Variants in CFAP95 observed in about 807,000 individuals in gnomAD.
CFAP95 encodes cilia- and flagella-associated protein 95.
At chr9:69,882,220 G>C in the CFAP95 span, among the ~76,000 whole-genome samples, 2 of 152,142 alleles carry the variant, frequency 1.3e-5, no homozygotes, top group Non-Finnish European at 2.9e-5. Flanking sequence ...GGCCTCAAGT[G>C]ATCCACCCAC....
the CFAP95 span, among the ~76,000 whole-genome samples, chr9:69,858,830 A>T: frequency 6.6e-6 from 1 of 152,226 alleles, no homozygotes; most frequent in African/African-American, 2.4e-5. Flanking sequence ...TTACTGATAT[A>T]AGAGATAAGT....
the CFAP95 span, among the ~76,000 whole-genome samples, chr9:69,896,507 C>T: frequency 1.5e-4 from 23 of 152,180 alleles, no homozygotes; most frequent in Non-Finnish European, 2.9e-4. Context: ...TTTCTTTGTA[C>T]TTCCCATGGC....
At chr9:69,895,365 C>CTGTGTGTGTGTGTG in the CFAP95 span, among the ~76,000 whole-genome samples, 7 of 108,092 alleles carry the variant, frequency 6.5e-5, no homozygotes, top group East Asian at 7.1e-4. Context: ...CTCTCTCTCT[C>CTGTGTGTGTGTGTG]TCTCTGTGTG....
chr9:69,859,709 T>G, the CFAP95 span, among the ~76,000 whole-genome samples: 1 of 152,180 alleles, frequency 6.6e-6, no homozygotes, highest in Admixed American at 6.5e-5. Flanking sequence ...TTCCGAGAAA[T>G]GTGTTGTTAG....
At chr9:69,871,132 C>T in the CFAP95 span, among the ~76,000 whole-genome samples, 6,659 of 152,064 alleles carry the variant, frequency 0.044, 447 homozygotes, top group African/African-American at 0.15. Flanking sequence ...GCATGAGAAT[C>T]GCTTGAACCA....
At chr9:69,823,835 C>T in the CFAP95 span, among the ~76,000 whole-genome samples, 1 of 152,114 alleles carries the variant, frequency 6.6e-6, no homozygotes, top group Non-Finnish European at 1.5e-5. Context: ...ACAAGATGCT[C>T]AGTGGTGGAG....
the CFAP95 span, among the ~76,000 whole-genome samples, chr9:69,883,242 A>G: frequency 6.6e-6 from 1 of 152,228 alleles, no homozygotes; most frequent in Non-Finnish European, 1.5e-5. Context: ...CGTCAGGAGC[A>G]TTCTCTCATA....
the CFAP95 span, chr9:69,821,121 A>G: frequency 1.3e-6 from 2 of 1,487,166 alleles, no homozygotes; most frequent in Non-Finnish European, 1.8e-6. Context: ...AGAGTCAGAG[A>G]GAGGGGACAG....
the CFAP95 span, among the ~76,000 whole-genome samples, chr9:69,865,482 T>A: frequency 6.6e-6 from 1 of 152,136 alleles, no homozygotes; most frequent in African/African-American, 2.4e-5. Context: ...TTGGACAACA[T>A]CCTCTCACCT....
At chr9:69,864,117 A>G in the CFAP95 span, among the ~76,000 whole-genome samples, 2 of 152,142 alleles carry the variant, frequency 1.3e-5, no homozygotes, top group African/African-American at 2.4e-5. Flanking sequence ...AGCCCTCACT[A>G]CTGCACCTTG....
the CFAP95 span, among the ~76,000 whole-genome samples, chr9:69,828,944 G>C: frequency 0.086 from 13,115 of 152,188 alleles, 765 homozygotes; most frequent in South Asian, 0.19. Flanking sequence ...TTCTCTAAAG[G>C]ATCAGAATTT....
chr9:69,903,857 G>C, the CFAP95 span, among the ~76,000 whole-genome samples: 1 of 152,060 alleles, frequency 6.6e-6, no homozygotes, highest in Non-Finnish European at 1.5e-5. Flanking sequence ...ATCACGAGTA[G>C]CTGGGACTAC....
At chr9:69,837,250 A>G in the CFAP95 span, among the ~76,000 whole-genome samples, 1 of 152,202 alleles carries the variant, frequency 6.6e-6, no homozygotes, top group African/African-American at 2.4e-5. Context: ...ATACCCAGTA[A>G]TGGGATGGCT....
the CFAP95 span, among the ~76,000 whole-genome samples, chr9:69,835,311 G>T: frequency 6.6e-6 from 1 of 152,178 alleles, no homozygotes; most frequent in Non-Finnish European, 1.5e-5. Flanking sequence ...TGTGTCTCTT[G>T]TCAAGTCACC....
At chr9:69,879,769 A>T in the CFAP95 span, among the ~76,000 whole-genome samples, 1 of 152,218 alleles carries the variant, frequency 6.6e-6, no homozygotes, top group Non-Finnish European at 1.5e-5. Context: ...GTAAGTCAGA[A>T]TTAGGACAAT....
At chr9:69,826,484 C>T in the CFAP95 span, among the ~76,000 whole-genome samples, 7 of 152,134 alleles carry the variant, frequency 4.6e-5, no homozygotes, top group African/African-American at 1.4e-4. Context: ...TCGAGAACTA[C>T]GATAAAAAGC....
the CFAP95 span, among the ~76,000 whole-genome samples, chr9:69,898,175 A>C: frequency 6.6e-6 from 1 of 152,094 alleles, no homozygotes; most frequent in Non-Finnish European, 1.5e-5. Flanking sequence ...GTTTTGTCAG[A>C]TGCTACTCTG....
the CFAP95 span, among the ~76,000 whole-genome samples, chr9:69,880,059 TACAGGC>T: frequency 1.3e-5 from 2 of 151,946 alleles, no homozygotes; most frequent in Non-Finnish European, 2.9e-5. Context: ...GAGATTTTGG[TACAGGC>T]ATGCAATGCA....
At chr9:69,872,202 A>G in the CFAP95 span, among the ~76,000 whole-genome samples, 1 of 152,222 alleles carries the variant, frequency 6.6e-6, no homozygotes, top group Non-Finnish European at 1.5e-5. Flanking sequence ...ACCAACCTAA[A>G]TACTACATTG....
Sources: allele counts gnomAD v4.1 joint callset (sites outside exome capture counted in the v4.1 genomes callset), GRCh38; gene constraint gnomAD v4.1.1; transcripts MANE v1.5; gene names NCBI Gene and HGNC (gene_info 2026-07-23, HGNC 2026-07-21).